The following JAZF1 variants were observed in gnomAD, a reference collection of about 807,000 sequenced individuals.
JAZF1 encodes juxtaposed with another zinc finger protein 1.
A neutral mutation model predicts 26.4 loss-of-function variants in JAZF1; 8 were observed. The ratio of observed to expected loss-of-function variants is 0.30; its 90% CI spans 0.18 to 0.55. The LOEUF (loss-of-function observed/expected upper bound fraction) is 0.55. Among genes scored for constraint, JAZF1 ranks in the 20% least tolerant of loss-of-function variants. The pLI, the probability that JAZF1 is intolerant of heterozygous loss-of-function variation, is 0.94. For missense variants in JAZF1, 199 were observed against 322.0 expected, an observed-to-expected ratio of 0.62 and a Z score of 2.92; for synonymous variants, 126 against 122.3, an observed-to-expected ratio of 1.03 and a Z score of -0.20.
chr7:27,972,573 T>G (rs1484523185), intron 2 of JAZF1, among the ~76,000 whole-genome samples: 3 of 152,158 alleles, frequency 2.0e-5, no homozygotes, highest in African/African-American at 7.2e-5. Flanking sequence ...ACTTAGCTCC[T>G]GCTAAGATAA....
At chr7:28,111,626 C>T (rs796347713) in intron 1 of JAZF1, among the ~76,000 whole-genome samples, 1 of 152,300 alleles carries the variant, frequency 6.6e-6, no homozygotes, top group African/African-American at 2.4e-5. Flanking sequence ...AAGTGGTTTT[C>T]TGAAGGCCAA....
chr7:27,891,802 C>T (rs1476752654), intron 3 of JAZF1, among the ~76,000 whole-genome samples: 1 of 152,158 alleles, frequency 6.6e-6, no homozygotes, highest in Non-Finnish European at 1.5e-5. Context: ...CACTGCACTC[C>T]AGCCTAGGTG....
intron 1 of JAZF1, among the ~76,000 whole-genome samples, chr7:28,010,088 C>T (rs1782773582): frequency 6.6e-6 from 1 of 151,794 alleles, no homozygotes; most frequent in Non-Finnish European, 1.5e-5. Flanking sequence ...GTCCTCTGCA[C>T]ATACCTCATC....
intron 1 of JAZF1, among the ~76,000 whole-genome samples, chr7:28,142,768 C>A (rs536116021): frequency 6.6e-6 from 1 of 152,158 alleles, no homozygotes; most frequent in African/African-American, 2.4e-5. Context: ...CTGGGTAGGA[C>A]AACAACCTAG....
At chr7:28,069,770 C>CGGCT (rs1562576925) in intron 1 of JAZF1, among the ~76,000 whole-genome samples, 1 of 152,142 alleles carries the variant, frequency 6.6e-6, no homozygotes, top group Non-Finnish European at 1.5e-5. Context: ...GTGCCAGGTA[C>CGGCT]GGCTCCATGC....
Position 27,840,833 on chromosome 7 carries a change from C to T in JAZF1, c.420G>A (p.Glu140=). 3.7e-6 allele frequency: 6 copies of T among 1,614,188 alleles called. No homozygotes were observed. The highest frequency in any genetic ancestry group is 5.1e-6 in the Non-Finnish European group (6 of 1,180,018). Residue 140 remains glutamate (E), a synonymous_variant, in exon 4 of 5, where the codon GAG becomes GAA. Coordinates refer to ENST00000283928, the MANE Select transcript of JAZF1 (RefSeq NM_175061.4). The surrounding 1 kb of genome is among the most constrained non-coding windows in gnomAD (Gnocchi z 5.1). ...TCCAGGACTCATCGCTGTCCGACTC[C>T]TCATAGTCCACCTCCTCCTCGTCAT... ...SEYDEEEVDY[E]ESDSDESWTT... is the part of the protein sequence containing the mutation.
intron 1 of JAZF1, among the ~76,000 whole-genome samples, chr7:28,096,490 A>G (rs1163263797): frequency 6.6e-6 from 1 of 152,210 alleles, no homozygotes; most frequent in Non-Finnish European, 1.5e-5. Context: ...TCTATAATCA[A>G]ATTAAATATT....
chr7:28,124,248 C>T lies in JAZF1; in HGVS notation c.115+56215G>A, dbSNP rs138411605. ...GAGGAAAGACCCCGTGAGGACACAG[C>T]GAGGGGGCGGCCATCTGCAAGCCAC... On this transcript the variant is annotated intron_variant, in intron 1 of 4. Transcript: ENST00000283928. Among the ~76,000 whole-genome samples, 205 of 152,246 alleles carry T rather than the reference C, an allele frequency of 1.3e-3. 2 individuals carry two copies. The highest frequency in any genetic ancestry group is 0.011 in the South Asian group (54 of 4,822).
chr7:28,125,323 T>C (rs1348816391), intron 1 of JAZF1, among the ~76,000 whole-genome samples: 1 of 152,128 alleles, frequency 6.6e-6, no homozygotes, highest in African/African-American at 2.4e-5. Context: ...ACAATTGTAA[T>C]CACAGAAATA....
At chr7:27,935,493 C>T (rs1372615226) in intron 2 of JAZF1, among the ~76,000 whole-genome samples, 1 of 152,096 alleles carries the variant, frequency 6.6e-6, no homozygotes, top group Non-Finnish European at 1.5e-5. Context: ...CCAGAATAGG[C>T]AAATCTATAA....
chr7:28,044,381 A>G (rs1484360263), intron 1 of JAZF1, among the ~76,000 whole-genome samples: 1 of 152,118 alleles, frequency 6.6e-6, no homozygotes, highest in African/African-American at 2.4e-5. Context: ...ATGATCATAC[A>G]ATTTTCTCTG....
At chr7:28,090,861 C>T (rs1784284304) in intron 1 of JAZF1, among the ~76,000 whole-genome samples, 3 of 148,200 alleles carry the variant, frequency 2.0e-5, no homozygotes, top group Admixed American at 1.3e-4. Flanking sequence ...GCTCTGTCAC[C>T]CAGGCCGGAC....
intron 1 of JAZF1, among the ~76,000 whole-genome samples, chr7:28,008,437 G>A (rs1199492587): frequency 6.6e-6 from 1 of 152,114 alleles, no homozygotes; most frequent in African/African-American, 2.4e-5. Flanking sequence ...TTATAGGTGT[G>A]AGCCACTGTG....
chr7:28,176,585 T>C (rs561089966), intron 1 of JAZF1, among the ~76,000 whole-genome samples: 1 of 152,326 alleles, frequency 6.6e-6, no homozygotes, highest in Admixed American at 6.5e-5. Context: ...ACCTCAATTG[T>C]TTATTGTCTG....
In JAZF1 at chr7:27,840,056, G is replaced by T. The variant is rs1782892871; in HGVS notation, c.555+642C>A. 6.6e-6 allele frequency among the ~76,000 whole-genome samples: 1 copy of T among 152,152 alleles called. No individual in the cohort carries two copies. Among genetic ancestry groups the T allele is most frequent in the African/African-American group, 2.4e-5 (1 of 41,432 alleles). ...GTTGTTTTGTCCCTGTTCCTTATTA[G>T]AAAAGTTAGCACCCCCAGCTGCCCA... On this transcript the variant is annotated intron_variant, in intron 4 of 4. Coordinates refer to ENST00000283928, the MANE Select transcript of JAZF1 (RefSeq NM_175061.4). The surrounding 1 kb of genome is among the most constrained non-coding windows in gnomAD (Gnocchi z 5.1).
At chr7:27,975,998 A>G (rs1785462307) in intron 2 of JAZF1, among the ~76,000 whole-genome samples, 1 of 152,164 alleles carries the variant, frequency 6.6e-6, no homozygotes. Context: ...GGAGCAAGCC[A>G]AAATGTCACA....
At chr7:28,063,197 TAAC>T (rs1231675407) in intron 1 of JAZF1, among the ~76,000 whole-genome samples, 2 of 152,208 alleles carry the variant, frequency 1.3e-5, no homozygotes, top group African/African-American at 4.8e-5. Context: ...AATTTAAAAA[TAAC>T]AAATAATTTC....
At chr7:27,891,764 T>C (rs1327839907) in intron 3 of JAZF1, among the ~76,000 whole-genome samples, 7 of 152,164 alleles carry the variant, frequency 4.6e-5, no homozygotes, top group Middle Eastern at 3.4e-3. Context: ...GCCCAGGAGT[T>C]TGAGGCTGCA....
intron 1 of JAZF1, among the ~76,000 whole-genome samples, chr7:28,065,527 C>T (rs1236772092): frequency 6.6e-6 from 1 of 152,146 alleles, no homozygotes; most frequent in African/African-American, 2.4e-5. Flanking sequence ...ACAAGCAGAC[C>T]ATAAATGTCA....
Sources: gnomAD v4.1 joint callset for allele counts (sites outside exome capture counted in the v4.1 genomes callset) on GRCh38, gnomAD v4.1.1 for gene constraint, Gnocchi (gnomAD v3.1) non-coding constraint, MANE v1.5 for transcripts, NCBI Gene and HGNC (gene_info 2026-07-23, HGNC 2026-07-21) for gene names.